The following BPTF variants were observed in gnomAD, a reference collection of about 807,000 sequenced individuals.
BPTF encodes nucleosome-remodeling factor subunit BPTF.
BPTF carries 18 observed loss-of-function variants against 292.5 expected under a neutral mutation model. The observed-to-expected ratio is 0.06, with a 90% CI of 0.04 to 0.09. The LOEUF (loss-of-function observed/expected upper bound fraction) is 0.09, where lower values mean the gene tolerates loss of function less well. Among genes scored for constraint, BPTF ranks in the 10% least tolerant of loss-of-function variants. The pLI is 1.00. For missense variants in BPTF, 2,726 were observed against 3,498.7 expected, an observed-to-expected ratio of 0.78 and a Z score of 5.57; for synonymous variants, 1,225 against 1,251.9, an observed-to-expected ratio of 0.98 and a Z score of 0.45.
chr17:67,945,674 G>T lies in BPTF; in HGVS notation c.6966G>T (p.Lys2322Asn). ...AACCCACCCACGCACAGTCATCCAA[G>T]CCCCAAGTTGCAGCACAGTCTCAGC... is the stretch of plus-strand genomic sequence containing the variant. Reference protein sequence around the residue: ...EAQPTHAQSSKPQVAAQSQPQ... With the variant: ...EAQPTHAQSSNPQVAAQSQPQ... Residue 2322 changes from lysine to asparagine, a missense_variant, in exon 21 of 28, where the codon AAG becomes AAT. This residue lies in a region of BPTF where 570 missense variants were observed against 633.5 expected (regional missense o/e 0.90). Transcript: ENST00000306378. The T allele has an allele frequency of 2.5e-6, 4 of 1,614,008 alleles. No individual in the cohort carries two copies. The highest frequency in any genetic ancestry group is 3.4e-6 in the Non-Finnish European group (4 of 1,180,014).
chr17:67,826,320 C>T lies in BPTF; in HGVS notation c.596C>T (p.Thr199Ile), dbSNP rs1292295546. The change falls in exon 1 of 28, where the codon ACC becomes ATC. Residue 199 changes from threonine to isoleucine, a missense_variant. Coordinates refer to ENST00000306378, the MANE Select transcript of BPTF (RefSeq NM_182641.4). ...GAAAGCAGCTTCAGGAGCCATAGTACCTACAGCAGCACTCCAGGTACCCAC... is the reference window on the plus strand; with the variant it reads ...GAAAGCAGCTTCAGGAGCCATAGTATCTACAGCAGCACTCCAGGTACCCAC... Reference protein sequence around the residue: ...CTESSFRSHSTYSSTPGRRKP... With the variant: ...CTESSFRSHSIYSSTPGRRKP... The T allele has an allele frequency of 6.2e-7, 1 of 1,611,138 alleles. No homozygotes were observed. Among genetic ancestry groups the T allele is most frequent in the African/African-American group, 1.3e-5 (1 of 74,844 alleles).
intron 18 of BPTF, among the ~76,000 whole-genome samples, chr17:67,934,700 C>T (rs554717626): frequency 2.0e-5 from 3 of 151,058 alleles, no homozygotes; most frequent in African/African-American, 4.9e-5. Context: ...GGTGAAACCC[C>T]GCCTGTACTA....
intron 3 of BPTF, among the ~76,000 whole-genome samples, chr17:67,868,066 G>A (rs763018887): frequency 6.6e-5 from 10 of 152,032 alleles, no homozygotes; most frequent in Non-Finnish European, 1.2e-4. Context: ...TACATTCATG[G>A]ATATTTTATA....
At chr17:67,964,805 C>G (rs1460105623) in intron 25 of BPTF, among the ~76,000 whole-genome samples, 13 of 149,870 alleles carry the variant, frequency 8.7e-5, no homozygotes, top group East Asian at 6.0e-4. Flanking sequence ...TCAGACCATC[C>G]TGGCTAACAC....
intron 9 of BPTF, among the ~76,000 whole-genome samples, chr17:67,907,405 G>C (rs1237604993): frequency 2.7e-5 from 4 of 148,952 alleles, no homozygotes; most frequent in African/African-American, 9.9e-5. Context: ...ACCCAGGCTA[G>C]AGTGCAGTGG....
Position 67,919,942 on chromosome 17 carries a change from A to C in BPTF, c.5429-73A>C, listed in dbSNP as rs1043583947. 1.9e-5 allele frequency: 28 copies of C among 1,436,958 alleles called. 1 individual carries two copies. Among genetic ancestry groups the C allele is most frequent in the Middle Eastern group, 2.0e-4 (1 of 4,990 alleles). 89.0% of individuals were successfully genotyped at this position (1,436,958 alleles called of 1,614,324 possible). A position where few individuals can be genotyped will look rare whatever the true frequency, so the allele number is the denominator to read the frequency against. On this transcript the variant is annotated intron_variant, in intron 12 of 27. Transcript: ENST00000306378. The stretch of plus-strand genomic sequence containing the variant: ...TATTCCACGTGTGTCTCTTTTTGAA[A>C]GCACCAGATGTACCTTTTTAGTCTC...
intron 9 of BPTF, among the ~76,000 whole-genome samples, chr17:67,906,179 C>G (rs1381835870): frequency 6.6e-6 from 1 of 152,036 alleles, no homozygotes; most frequent in East Asian, 1.9e-4. Context: ...CTCCTGGGTT[C>G]AAGCAGTTCT....
chr17:67,875,155 G>A (rs139655166), intron 4 of BPTF, 135 bp downstream of exon 4: 4 of 737,648 alleles, frequency 5.4e-6, no homozygotes, highest in Admixed American at 2.9e-5. Context: ...TCAGGATACC[G>A]TCCCCTCTTA....
chr17:67,826,038 G>A lies in BPTF; in HGVS notation c.314G>A (p.Gly105Glu), dbSNP rs1253691297. Residue 105 changes from glycine to glutamate, a missense_variant, in exon 1 of 28, where the codon GGG (glycine) becomes GAG (glutamate). Coordinates refer to ENST00000306378, the MANE Select transcript of BPTF (RefSeq NM_182641.4). ...GGCGGGGGCGGCAGGACGGGGGGCG[G>A]GGGCGGCGGCGGCCACCTGGCCCGG... ...RGGGGGRTGG[G>E]GGGGHLARTT... 1.7e-6 allele frequency: 2 copies of A among 1,205,644 alleles called. No individual in the cohort carries two copies. Among genetic ancestry groups the A allele is most frequent in the South Asian group, 3.1e-5 (1 of 31,832 alleles). 74.7% of individuals were successfully genotyped at this position (1,205,644 alleles called of 1,614,324 possible).
chr17:67,835,802 A>T (rs1005446029), intron 1 of BPTF, among the ~76,000 whole-genome samples: 6 of 151,780 alleles, frequency 4.0e-5, no homozygotes, highest in African/African-American at 1.5e-4. Context: ...AGTAGCTGGG[A>T]CTACAGGCAC....
intron 26 of BPTF, among the ~76,000 whole-genome samples, chr17:67,971,954 G>C (rs1555691230): frequency 6.6e-6 from 1 of 151,936 alleles, no homozygotes; most frequent in Non-Finnish European, 1.5e-5. Flanking sequence ...TCACTCTTTT[G>C]AGGGGTATAT....
In BPTF at chr17:67,964,345, C is replaced by A. The variant is rs1555685665; in HGVS notation, c.8395C>A (p.Leu2799Ile). 6.2e-7 allele frequency: 1 copy of A among 1,614,186 alleles called. No individual in the cohort carries two copies. The highest frequency in any genetic ancestry group is 8.5e-7 in the Non-Finnish European group (1 of 1,180,036). Residue 2799 changes from leucine to isoleucine, a missense_variant, in exon 25 of 28, where the codon CTC becomes ATC. Leu to Ile is a conservative substitution (Grantham distance 5). This residue lies in a region of BPTF where 48 missense variants were observed against 114.2 expected (regional missense o/e 0.42). Coordinates refer to ENST00000306378, the MANE Select transcript of BPTF (RefSeq NM_182641.4). ...CQSTEDAMTV[L>I]TPLTEKDYEG... Reference sequence around the variant, plus strand: ...GTCAACAGAGGATGCCATGACAGTGCTCACGCCACTAACAGAGAAGGATTA... The same window carrying A: ...GTCAACAGAGGATGCCATGACAGTGATCACGCCACTAACAGAGAAGGATTA...
At chr17:67,967,703 C>A (rs1477819254) in intron 26 of BPTF, among the ~76,000 whole-genome samples, 1 of 151,814 alleles carries the variant, frequency 6.6e-6, no homozygotes, top group Non-Finnish European at 1.5e-5. Flanking sequence ...TTTGTAATCC[C>A]AGCTGCTAAG....
In BPTF at chr17:67,886,658, A is replaced by G. The variant is rs532470010; in HGVS notation, c.1865-5186A>G. ...GATCTTTCTGCAGTTACATTTATGTATGTATGTTTACAAAGGTTTTGGAGA... is the reference window on the plus strand; with the variant it reads ...GATCTTTCTGCAGTTACATTTATGTGTGTATGTTTACAAAGGTTTTGGAGA... On this transcript the variant is annotated intron_variant, in intron 4 of 27. Transcript: ENST00000306378. 1.6e-4 allele frequency among the ~76,000 whole-genome samples: 25 copies of G among 152,214 alleles called. 1 individual carries two copies. In the East Asian group the frequency reaches 4.4e-3, roughly 27 times the overall value.
At chr17:67,886,464 A>T (rs538161015) in intron 4 of BPTF, 3 of 527,648 alleles carry the variant, frequency 5.7e-6, no homozygotes, top group Non-Finnish European at 9.7e-6. Context: ...TGGAATTTAG[A>T]TGTTCTTTTC....
In BPTF at chr17:67,920,178, C is replaced by CTGT. The variant is rs750528143; in HGVS notation, c.5557+37_5557+39dup. 1.1e-5 allele frequency: 17 copies of CTGT among 1,573,356 alleles called. No individual in the cohort carries two copies. The East Asian group carries it at 3.4e-4, about 31-fold the overall frequency. Reference sequence around the variant, plus strand: ...AGAATTCTATTCTTTCATGATTAACCTGTTAACCATGTATTTTATGAATTG... The same window carrying CTGT: ...AGAATTCTATTCTTTCATGATTAACCTGTTGTTAACCATGTATTTTATGAATTG... On this transcript the variant is annotated intron_variant, in intron 13 of 27. Transcript: ENST00000306378.
At chr17:67,952,048 C>CTT (rs1759949287) in intron 23 of BPTF, among the ~76,000 whole-genome samples, 1 of 67,164 alleles carries the variant, frequency 1.5e-5, no homozygotes, top group Non-Finnish European at 2.7e-5. Context: ...GAGTGAGACT[C>CTT]TGTCTCAAAA....
intron 1 of BPTF, among the ~76,000 whole-genome samples, chr17:67,832,783 C>CTTTTTTTTT: frequency 9.8e-6 from 1 of 101,640 alleles, no homozygotes; most frequent in Non-Finnish European, 1.9e-5. Flanking sequence ...TGATTCGCCT[C>CTTTTTTTTT]TTTTTTTTTT....
chr17:67,910,247 G>A (rs2062561264), intron 10 of BPTF, among the ~76,000 whole-genome samples: 1 of 152,106 alleles, frequency 6.6e-6, no homozygotes, highest in Admixed American at 6.5e-5. Context: ...GCCACATTTT[G>A]TTATCCATTC....
Sources: allele counts gnomAD v4.1 joint callset (sites outside exome capture counted in the v4.1 genomes callset), GRCh38; gene constraint gnomAD v4.1.1; regional missense constraint gnomAD v4.1.1; transcripts MANE v1.5; gene names NCBI Gene and HGNC (gene_info 2026-07-23, HGNC 2026-07-21).